OSBPL10: variants seen among roughly 807,000 people sequenced by gnomAD.
The protein encoded by OSBPL10 is oxysterol binding protein like 10, also known as oxysterol-binding protein-related protein 10.
OSBPL10 carries 49 observed loss-of-function variants against 81.7 expected under a neutral mutation model. That is an observed-to-expected ratio of 0.60 (90% CI 0.48 to 0.76). The LOEUF (loss-of-function observed/expected upper bound fraction) is 0.76, where lower values mean the gene tolerates loss of function less well. OSBPL10 is among the 30% of genes least tolerant of loss of function. The probability of loss-of-function intolerance (pLI) is 0.00; values close to 1 mark genes in which losing one functional copy is unlikely to be tolerated. For missense variants in OSBPL10, 923 were observed against 987.8 expected (o/e 0.93, Z 0.88); for synonymous variants, 419 against 383.6 (o/e 1.09, Z -1.08).
Position 31,668,701 on chromosome 3 carries a change from T to C in OSBPL10, c.2037A>G (p.Thr679=). The C allele has an allele frequency of 6.2e-7, 1 of 1,614,160 alleles. No homozygotes were observed. The highest frequency in any genetic ancestry group is 8.5e-7 in the Non-Finnish European group (1 of 1,180,018). ...NGETKVIDTT[T]LPVYPKKIRP... ...TGATCTTCTTGGGATACACTGGCAGTGTGGTTGTGTCGATGACTTTGGTTT... is the reference window on the plus strand; with the variant it reads ...TGATCTTCTTGGGATACACTGGCAGCGTGGTTGTGTCGATGACTTTGGTTT... Residue 679 remains threonine, a synonymous_variant, in exon 10 of 12, where the codon ACA becomes ACG. Coordinates refer to ENST00000396556, the MANE Select transcript of OSBPL10 (RefSeq NM_017784.5).
chr3:31,933,404 A>T (rs1697301840), intron 1 of OSBPL10, among the ~76,000 whole-genome samples: 1 of 141,460 alleles, frequency 7.1e-6, no homozygotes, highest in South Asian at 2.3e-4. Context: ...GGGAAACAAT[A>T]AATTTTTTTT....
chr3:31,775,045 T>C (rs1698513643), intron 4 of OSBPL10, among the ~76,000 whole-genome samples: 1 of 151,352 alleles, frequency 6.6e-6, no homozygotes, highest in South Asian at 2.1e-4. Flanking sequence ...CATGTGCCTG[T>C]AATCCCAGCT....
intron 4 of OSBPL10, among the ~76,000 whole-genome samples, 165 bp downstream of exon 4, chr3:31,829,875 T>C (rs1188317466): frequency 6.6e-6 from 1 of 152,162 alleles, no homozygotes. Context: ...AACAATTAAC[T>C]TTTTTTAAAC....
At chr3:32,008,760 G>GAAAAAAAAAAAAAAAAAA (rs11328847) in intron 2 of OSBPL10, among the ~76,000 whole-genome samples, 2 of 114,526 alleles carry the variant, frequency 1.7e-5, no homozygotes, top group African/African-American at 3.1e-5. Context: ...ATCCTGACTG[G>GAAAAAAAAAAAAAAAAAA]AAAAAAAAAA....
chr3:31,779,535 C>A (rs1459341796), intron 4 of OSBPL10, among the ~76,000 whole-genome samples: 1 of 152,114 alleles, frequency 6.6e-6, no homozygotes, highest in Non-Finnish European at 1.5e-5. Flanking sequence ...TATATATGCA[C>A]CTGGAGCTCC....
rs1483322742 is a variant in OSBPL10 at position 31,679,092 on chromosome 3, T to C, written c.1726+4542A>G. 2.0e-5 allele frequency among the ~76,000 whole-genome samples: 3 copies of C among 152,232 alleles called. No individual in the cohort carries two copies. The East Asian group carries it at 5.8e-4, about 29-fold the overall frequency. ...CACGCACTCACTGCTGCAGACACAG[T>C]GGCCCCTGGCTGTCCTCAAAACACC... On this transcript the variant is annotated intron_variant, in intron 8 of 11. Transcript: ENST00000396556.
chr3:31,995,913 A>G (rs1699086693), intron 2 of OSBPL10, among the ~76,000 whole-genome samples: 1 of 152,076 alleles, frequency 6.6e-6, no homozygotes, highest in Non-Finnish European at 1.5e-5. Flanking sequence ...CATCCATGAC[A>G]TCTCCCCTTC....
chr3:32,026,599 A>G (rs1047957255), intron 2 of OSBPL10, among the ~76,000 whole-genome samples: 1 of 152,216 alleles, frequency 6.6e-6, no homozygotes, highest in African/African-American at 2.4e-5. Flanking sequence ...TACCACACAC[A>G]GCAATGGCCG....
At chr3:31,780,423 CA>C (rs1339238727) in intron 4 of OSBPL10, among the ~76,000 whole-genome samples, 1 of 145,822 alleles carries the variant, frequency 6.9e-6, no homozygotes, top group African/African-American at 2.5e-5. Context: ...ACTAGAGAAA[CA>C]AAAACAAATG....
intron 6 of OSBPL10, among the ~76,000 whole-genome samples, chr3:31,720,139 G>A (rs953091210): frequency 6.6e-6 from 1 of 151,598 alleles, no homozygotes; most frequent in Admixed American, 6.6e-5. Flanking sequence ...CTCCTTCTAA[G>A]GAGGTGGCAT....
chr3:31,973,961 G>A (rs1698630056), intron 1 of OSBPL10, among the ~76,000 whole-genome samples: 1 of 152,158 alleles, frequency 6.6e-6, no homozygotes, highest in Non-Finnish European at 1.5e-5. Context: ...AACAAACTGT[G>A]GTATATCCAC....
intron 4 of OSBPL10, among the ~76,000 whole-genome samples, chr3:31,755,886 A>T (rs911414767): frequency 6.6e-6 from 1 of 152,244 alleles, no homozygotes; most frequent in African/African-American, 2.4e-5. Context: ...AGCCTTCTGC[A>T]GTTCCAAGAA....
At chr3:32,031,964 T>C (rs952000541) in intron 2 of OSBPL10, among the ~76,000 whole-genome samples, 6 of 152,200 alleles carry the variant, frequency 3.9e-5, no homozygotes, top group African/African-American at 1.4e-4. Flanking sequence ...TTAGGAAAGA[T>C]GAGTCATTTT....
At chr3:32,010,453 A>AG (rs34563224) in intron 2 of OSBPL10, among the ~76,000 whole-genome samples, 3 of 152,190 alleles carry the variant, frequency 2.0e-5, no homozygotes, top group South Asian at 2.1e-4. Flanking sequence ...AAAAGTTAAA[A>AG]GGGGGGGCAG....
intron 6 of OSBPL10, among the ~76,000 whole-genome samples, chr3:31,730,451 C>T (rs1396011599): frequency 6.6e-6 from 1 of 151,914 alleles, no homozygotes; most frequent in Non-Finnish European, 1.5e-5. Context: ...CATGATGAAG[C>T]GACACACGGA....
chr3:31,898,209 G>A (rs1035979176), intron 1 of OSBPL10, among the ~76,000 whole-genome samples: 4 of 151,848 alleles, frequency 2.6e-5, no homozygotes, highest in East Asian at 1.9e-4. Context: ...GAGATCTATC[G>A]CATAGCAGGG....
chr3:31,907,236 T>C (rs977662883), intron 1 of OSBPL10, among the ~76,000 whole-genome samples: 11 of 152,196 alleles, frequency 7.2e-5, no homozygotes, highest in Admixed American at 6.5e-4. Context: ...ACACAGAGCT[T>C]CCAGCATACT....
rs1225898690 is a variant in OSBPL10, at chr3:31,746,454, G to A, written c.940+1456C>T. On this transcript the variant is annotated intron_variant, in intron 5 of 11. Transcript: ENST00000396556. ...AGCACTTTGGGAGGCTGAGGCGGGAGGATCACCTGAGGTTGGGAGTTCAAG... is the reference window on the plus strand; with the variant it reads ...AGCACTTTGGGAGGCTGAGGCGGGAAGATCACCTGAGGTTGGGAGTTCAAG... Among the ~76,000 whole-genome samples the A allele has an allele frequency of 7.2e-5, 11 of 152,198 alleles. No homozygotes were observed. In the South Asian group the frequency reaches 1.7e-3, roughly 23 times the overall value.
At chr3:31,764,071 T>A (rs1486319413) in intron 4 of OSBPL10, among the ~76,000 whole-genome samples, 1 of 152,192 alleles carries the variant, frequency 6.6e-6, no homozygotes, top group African/African-American at 2.4e-5. Flanking sequence ...AGAATAATGA[T>A]ATATAATACA....
Sources: allele counts gnomAD v4.1 joint callset (sites outside exome capture counted in the v4.1 genomes callset), GRCh38; gene constraint gnomAD v4.1.1; transcripts MANE v1.5; gene names NCBI Gene and HGNC (gene_info 2026-07-23, HGNC 2026-07-21).